Variants in STAM2 observed in about 807,000 individuals in gnomAD.
STAM2 encodes the protein signal transducing adapter molecule 2.
A neutral mutation model predicts 65.6 loss-of-function variants in STAM2; 51 were observed. That is an observed-to-expected ratio of 0.78 (90% CI 0.62 to 0.98). The LOEUF is 0.98. Among genes scored for constraint, STAM2 ranks in the 50% least tolerant of loss-of-function variants. The pLI, the probability that STAM2 is intolerant of heterozygous loss-of-function variation, is 0.00. For missense variants in STAM2, 584 were observed against 617.8 expected, an observed-to-expected ratio of 0.95 and a Z score of 0.58; for synonymous variants, 198 against 208.4, an observed-to-expected ratio of 0.95 and a Z score of 0.43.
intron 1 of STAM2, among the ~76,000 whole-genome samples, chr2:152,160,663 C>G (rs1242302950): frequency 6.6e-6 from 1 of 150,402 alleles, no homozygotes; most frequent in Non-Finnish European, 1.5e-5. Flanking sequence ...GGGTCAGCCC[C>G]CCGCCCGGCC....
chr2:152,168,447 C>T (rs912430602), intron 1 of STAM2, among the ~76,000 whole-genome samples: 4 of 152,088 alleles, frequency 2.6e-5, no homozygotes, highest in Admixed American at 6.5e-5. Context: ...CATGAGCCAC[C>T]GCGCCCAGCC....
chr2:152,133,052 C>A, intron 10 of STAM2, 121 bp downstream of exon 10: 1 of 353,594 alleles, frequency 2.8e-6, no homozygotes, highest in Non-Finnish European at 4.7e-6. Context: ...CTGTACTAGT[C>A]TGTTCCCCAC....
At chr2:152,158,935 T>G (rs1689605173) in intron 1 of STAM2, among the ~76,000 whole-genome samples, 1 of 151,630 alleles carries the variant, frequency 6.6e-6, no homozygotes, top group South Asian at 2.1e-4. Context: ...CATTGGGGAC[T>G]GTCTCCAACT....
In STAM2 at chr2:152,141,740, G is replaced by A. The variant is rs183721998; in HGVS notation, c.704+2087C>T. Among the ~76,000 whole-genome samples, 23 of 151,550 alleles carry A rather than the reference G, an allele frequency of 1.5e-4. No individual in the cohort carries two copies. In the East Asian group the frequency reaches 1.8e-3, roughly 12 times the overall value. ...CAAGTAGCTGGGACTACAGGCGTGC[G>A]CCACCATGCACGGCTAATTTTTGTA... On this transcript the variant is annotated intron_variant, in intron 7 of 13. Transcript: ENST00000263904.
intron 8 of STAM2, among the ~76,000 whole-genome samples, chr2:152,133,723 G>A (rs1043179494): frequency 2.0e-5 from 3 of 151,950 alleles, no homozygotes; most frequent in Admixed American, 1.3e-4. Context: ...TACAGACACC[G>A]GTGAATAAAA....
rs1347404374 is a variant in STAM2, at chr2:152,122,396, G to A, written c.1349+1370C>T. ...ACTATGATCACACTACTGTACTTCA[G>A]CCTGGGTGATAAAACCCCATCTATA... On this transcript the variant is annotated intron_variant, in intron 13 of 13. Coordinates refer to ENST00000263904, the MANE Select transcript of STAM2 (RefSeq NM_005843.6). 2.0e-5 allele frequency among the ~76,000 whole-genome samples: 3 copies of A among 152,136 alleles called. No homozygotes were observed. In the East Asian group the frequency reaches 5.8e-4, roughly 29 times the overall value.
At chr2:152,138,507 T>C (rs1689194018) in intron 7 of STAM2, among the ~76,000 whole-genome samples, 2 of 152,192 alleles carry the variant, frequency 1.3e-5, no homozygotes, top group Admixed American at 6.5e-5. Context: ...GAACTTTCTA[T>C]ATGGAAAATC....
chr2:152,164,499 C>T (rs781605504), intron 1 of STAM2, among the ~76,000 whole-genome samples: 55 of 152,258 alleles, frequency 3.6e-4, no homozygotes, highest in Non-Finnish European at 6.6e-4. Context: ...TGCGCCACCA[C>T]GCCGGGCTAA....
chr2:152,174,164 A>G (rs1375824746), intron 1 of STAM2, among the ~76,000 whole-genome samples: 1 of 152,256 alleles, frequency 6.6e-6, no homozygotes, highest in Non-Finnish European at 1.5e-5. Context: ...GAAAACAATG[A>G]ACTTTCAAGA....
At chr2:152,136,900 T>C (rs903198018) in intron 7 of STAM2, among the ~76,000 whole-genome samples, 11 of 149,958 alleles carry the variant, frequency 7.3e-5, no homozygotes, top group Admixed American at 4.0e-4. Flanking sequence ...TTCTTTTTTT[T>C]TTTTTTTTTT....
intron 7 of STAM2, among the ~76,000 whole-genome samples, chr2:152,139,201 A>C (rs1294406345): frequency 1.3e-5 from 2 of 152,368 alleles, no homozygotes; most frequent in Non-Finnish European, 1.5e-5. Flanking sequence ...TTAATGTAGC[A>C]TTTATATTTA....
chr2:152,145,017 A>C, intron 5 of STAM2, 60 bp from the exon 6 acceptor site: 1 of 1,292,276 alleles, frequency 7.7e-7, no homozygotes, highest in Non-Finnish European at 1.1e-6. Context: ...CAAGCTCCAT[A>C]ATTACTTGCA....
intron 1 of STAM2, among the ~76,000 whole-genome samples, chr2:152,165,010 C>T (rs2105566148): frequency 6.6e-6 from 1 of 152,266 alleles, no homozygotes; most frequent in South Asian, 2.1e-4. Context: ...AAAACGAGCA[C>T]ACTCATTTAC....
intron 2 of STAM2, among the ~76,000 whole-genome samples, chr2:152,149,780 G>A (rs1194443163): frequency 1.3e-5 from 2 of 152,136 alleles, no homozygotes; most frequent in Non-Finnish European, 2.9e-5. Flanking sequence ...TTATAGGCGT[G>A]AGCCACTGCG....
intron 10 of STAM2, among the ~76,000 whole-genome samples, chr2:152,132,682 G>C (rs1226045128): frequency 6.6e-6 from 1 of 152,054 alleles, no homozygotes; most frequent in Non-Finnish European, 1.5e-5. Flanking sequence ...TTATTTACCA[G>C]AGATTCTTAT....
intron 7 of STAM2, among the ~76,000 whole-genome samples, chr2:152,136,432 CTG>C (rs1161592682): frequency 6.6e-6 from 1 of 151,558 alleles, no homozygotes; most frequent in African/African-American, 2.4e-5. Context: ...GATAGAGACT[CTG>C]TCTCAAAAAA....
At chr2:152,127,777 C>G (rs537552136) in intron 11 of STAM2, among the ~76,000 whole-genome samples, 2 of 152,286 alleles carry the variant, frequency 1.3e-5, no homozygotes, top group South Asian at 4.1e-4. Context: ...GCCCAAGAAG[C>G]TTCAGAGCAA....
chr2:152,169,509 T>C (rs1022938367), intron 1 of STAM2, among the ~76,000 whole-genome samples: 7 of 152,072 alleles, frequency 4.6e-5, no homozygotes, highest in Non-Finnish European at 1.0e-4. Flanking sequence ...ACTCCTGAGA[T>C]CAAGCAATCC....
At position 152,148,130 on chromosome 2, in the gene STAM2, T is replaced by C. The variant is rs571929845; in HGVS notation, c.202-8A>G. 9.4e-6 allele frequency: 15 copies of C among 1,598,044 alleles called. No homozygotes were observed. Among genetic ancestry groups the C allele is most frequent in the South Asian group, 4.6e-5 (4 of 86,714 alleles). On this transcript the variant is annotated splice_region_variant and splice_polypyrimidine_tract_variant and intron_variant, in intron 3 of 13. Coordinates refer to ENST00000263904, the MANE Select transcript of STAM2 (RefSeq NM_005843.6). ...CACACAAGCCCCAAGAAGCTATTAA[T>C]TGAAATAAAAATATATGAATATTGA...
Sources: allele counts gnomAD v4.1 joint callset (sites outside exome capture counted in the v4.1 genomes callset), GRCh38; gene constraint gnomAD v4.1.1; transcripts MANE v1.5; gene names NCBI Gene and HGNC (gene_info 2026-07-23, HGNC 2026-07-21).